The following MERTK variants were observed in gnomAD, a reference collection of about 807,000 sequenced individuals.
MERTK encodes tyrosine-protein kinase Mer.
A neutral mutation model predicts 99.3 loss-of-function variants in MERTK; 69 were observed. The observed-to-expected ratio is 0.70, with a 90% CI of 0.57 to 0.85. MERTK has a LOEUF of 0.85. MERTK is among the 40% of genes least tolerant of loss of function. MERTK has a pLI of 0.00. For missense variants in MERTK, 1,125 were observed against 1,249.4 expected (o/e 0.90, Z 1.50); for synonymous variants, 426 against 467.6 (o/e 0.91, Z 1.15).
intron 1 of MERTK, among the ~76,000 whole-genome samples, chr2:111,918,370 T>G (rs544036122): frequency 6.6e-6 from 1 of 152,330 alleles, no homozygotes; most frequent in South Asian, 2.1e-4. Flanking sequence ...TACGTACTGG[T>G]AGGCTGGAGT....
chr2:112,029,234 T>C lies in MERTK; in HGVS notation c.*370T>C, dbSNP rs1344024105. 1.0e-6 allele frequency: 1 copy of C among 990,486 alleles called. No individual in the cohort carries two copies. The highest frequency in any genetic ancestry group is 1.8e-5 in the African/African-American group (1 of 57,104). 61.4% of individuals were successfully genotyped at this position (990,486 alleles called of 1,614,324 possible). A position where few individuals can be genotyped will look rare whatever the true frequency, so the allele number is the denominator to read the frequency against. ...TCATGACTATTAAATGTAAAAATAT[T>C]TGTAAAATGAAATGCCATATTTGAC... On this transcript the variant is annotated 3_prime_UTR_variant, in exon 19 of 19. Transcript: ENST00000295408.
At chr2:112,000,812 A>T (rs1485532272) in intron 10 of MERTK, among the ~76,000 whole-genome samples, 2 of 152,152 alleles carry the variant, frequency 1.3e-5, no homozygotes, top group Non-Finnish European at 2.9e-5. Context: ...GCTACATAAA[A>T]TATTTGGAAT....
At chr2:111,971,904 T>C (rs1449071398) in intron 6 of MERTK, among the ~76,000 whole-genome samples, 2 of 152,240 alleles carry the variant, frequency 1.3e-5, no homozygotes, top group Non-Finnish European at 2.9e-5. Context: ...AATTGAGATC[T>C]CAGCTCTTAT....
At chr2:112,007,183 C>G (rs1676999091) in intron 13 of MERTK, among the ~76,000 whole-genome samples, 1 of 152,182 alleles carries the variant, frequency 6.6e-6, no homozygotes, top group Non-Finnish European at 1.5e-5. Flanking sequence ...GAGACGGAGT[C>G]TCGCTCTGTT....
chr2:111,978,990 T>A (rs1221981530), intron 7 of MERTK, among the ~76,000 whole-genome samples: 1 of 152,208 alleles, frequency 6.6e-6, no homozygotes, highest in Non-Finnish European at 1.5e-5. Flanking sequence ...CTTGAATCAT[T>A]AGATTTTCCA....
intron 1 of MERTK, among the ~76,000 whole-genome samples, chr2:111,900,936 C>G (rs1245643054): frequency 6.6e-6 from 1 of 152,008 alleles, no homozygotes; most frequent in Non-Finnish European, 1.5e-5. Flanking sequence ...GAGAGAGAGA[C>G]AATGAGAATA....
At chr2:111,921,638 T>A (rs1684461193) in intron 1 of MERTK, among the ~76,000 whole-genome samples, 1 of 152,184 alleles carries the variant, frequency 6.6e-6, no homozygotes, top group Non-Finnish European at 1.5e-5. Context: ...AGGTGCATCC[T>A]CTTGGCCATG....
intron 18 of MERTK, chr2:112,026,154 T>C (rs1677456161): frequency 6.5e-6 from 1 of 154,378 alleles, no homozygotes. Context: ...GTTAATCTTC[T>C]TGTTCTACTA....
chr2:111,990,035 T>C (rs1676583113), intron 8 of MERTK, among the ~76,000 whole-genome samples: 1 of 152,204 alleles, frequency 6.6e-6, no homozygotes, highest in Non-Finnish European at 1.5e-5. Flanking sequence ...CCCCAACTTA[T>C]GTGATCTGTA....
intron 8 of MERTK, among the ~76,000 whole-genome samples, chr2:111,993,373 G>T (rs1426750831): frequency 6.6e-6 from 1 of 152,118 alleles, no homozygotes; most frequent in Non-Finnish European, 1.5e-5. Context: ...GTTACCAATA[G>T]CACTGCCTTT....
chr2:111,956,141 G>A (rs1290906484), intron 4 of MERTK, among the ~76,000 whole-genome samples: 2 of 152,038 alleles, frequency 1.3e-5, no homozygotes, highest in Non-Finnish European at 2.9e-5. Flanking sequence ...GTGGGTAAGA[G>A]CTCTAGCTTT....
intron 15 of MERTK, among the ~76,000 whole-genome samples, chr2:112,013,013 G>A (rs773404290): frequency 3.3e-5 from 5 of 152,118 alleles, no homozygotes; most frequent in Non-Finnish European, 5.9e-5. Flanking sequence ...ATGGAGGGGA[G>A]GGTACTTTTG....
chr2:111,960,216 C>T (rs1685219679), intron 4 of MERTK, among the ~76,000 whole-genome samples: 1 of 152,074 alleles, frequency 6.6e-6, no homozygotes, highest in Non-Finnish European at 1.5e-5. Flanking sequence ...CGTGGTGGCT[C>T]ACGCCTGTAA....
At position 111,926,153 on chromosome 2, in the gene MERTK, A is replaced by G. The variant is rs1005057352; in HGVS notation, c.62-2967A>G. On this transcript the variant is annotated intron_variant, in intron 1 of 18. Coordinates refer to ENST00000295408, the MANE Select transcript of MERTK (RefSeq NM_006343.3). The stretch of plus-strand genomic sequence containing the variant: ...GCCCCAGACTTTCATTTTATATTGT[A>G]TATGCTTCAATAAATATTTGAATTT... 2.0e-4 allele frequency among the ~76,000 whole-genome samples: 30 copies of G among 152,192 alleles called. 1 individual carries two copies. Among genetic ancestry groups the G allele is most frequent in the Middle Eastern group, 6.8e-3 (2 of 294 alleles).
chr2:111,963,920 G>T (rs1291381691), intron 4 of MERTK, among the ~76,000 whole-genome samples: 1 of 151,882 alleles, frequency 6.6e-6, no homozygotes, highest in African/African-American at 2.4e-5. Flanking sequence ...TCGGGAGGAA[G>T]GCCATAGAGG....
intron 1 of MERTK, among the ~76,000 whole-genome samples, chr2:111,916,704 T>A (rs888913058): frequency 6.6e-6 from 1 of 152,240 alleles, no homozygotes; most frequent in Non-Finnish European, 1.5e-5. Context: ...GATTTGTCAT[T>A]TTGATGTTGG....
At chr2:111,917,579 T>C (rs368598577) in intron 1 of MERTK, among the ~76,000 whole-genome samples, 3 of 152,238 alleles carry the variant, frequency 2.0e-5, no homozygotes, top group African/African-American at 7.2e-5. Flanking sequence ...TTTTGTCTTG[T>C]TTTTTAAAAT....
chr2:111,996,945 T>C (rs981807664), intron 9 of MERTK: 2 of 272,840 alleles, frequency 7.3e-6, no homozygotes, highest in Non-Finnish European at 1.4e-5. Flanking sequence ...GTTTCTAACA[T>C]TTTAAACTAC....
intron 4 of MERTK, among the ~76,000 whole-genome samples, chr2:111,948,835 C>T (rs1018026708): frequency 1.3e-5 from 2 of 152,092 alleles, no homozygotes; most frequent in Admixed American, 6.6e-5. Context: ...GATGACATCA[C>T]CTGCCTGCTG....
Sources: allele counts gnomAD v4.1 joint callset (sites outside exome capture counted in the v4.1 genomes callset), GRCh38; gene constraint gnomAD v4.1.1; transcripts MANE v1.5; gene names NCBI Gene and HGNC (gene_info 2026-07-23, HGNC 2026-07-21).